The following AMPH variants were observed in gnomAD, a reference collection of about 807,000 sequenced individuals.
AMPH encodes amphiphysin.
Under a neutral mutation model 99.1 loss-of-function variants are expected in AMPH, and 49 were observed. That is an observed-to-expected ratio of 0.49 (90% CI 0.39 to 0.63). AMPH has a LOEUF of 0.63. AMPH is among the 20% of genes least tolerant of loss of function. The pLI, the probability that AMPH is intolerant of heterozygous loss-of-function variation, is 0.00. For synonymous variants in AMPH, 314 were observed against 317.3 expected (o/e 0.99, Z 0.11); for missense variants, 759 against 863.4 (o/e 0.88, Z 1.52).
At chr7:38,457,304 CAAA>C (rs552646835) in intron 11 of AMPH, among the ~76,000 whole-genome samples, 1 of 151,896 alleles carries the variant, frequency 6.6e-6, no homozygotes, top group Non-Finnish European at 1.5e-5. Flanking sequence ...TTTTGAAAAA[CAAA>C]GAAATCAGAA....
chr7:38,593,392 A>G (rs77897090), intron 1 of AMPH, among the ~76,000 whole-genome samples: 2,804 of 152,296 alleles, frequency 0.018, 75 homozygotes, highest in African/African-American at 0.057. Flanking sequence ...GCCCTACCAA[A>G]TGTACGTTTC....
intron 1 of AMPH, among the ~76,000 whole-genome samples, chr7:38,609,507 TTCCACAAAGGCA>T (rs1793551850): frequency 6.6e-6 from 1 of 152,140 alleles, no homozygotes; most frequent in Non-Finnish European, 1.5e-5. Flanking sequence ...ATCCCAGGAA[TTCCACAAAGGCA>T]GTCAGTGAAG....
At chr7:38,562,546 T>C (rs762779965) in intron 1 of AMPH, among the ~76,000 whole-genome samples, 4 of 152,018 alleles carry the variant, frequency 2.6e-5, no homozygotes, top group South Asian at 2.1e-4. Context: ...GAGGCAAAAG[T>C]TGAGGAATCC....
rs1791937893 is a variant in AMPH, at chr7:38,570,978, TATATTCAATATATATATATTC to T, written c.70-35988_70-35968del. On this transcript the variant is annotated intron_variant, in intron 1 of 20. Transcript: ENST00000356264. ...ATAGAATATATATATAGAATATATA[TATATTCAATATATATATATTC>T]ATATATATAGAATATATATATTCAT... Among the ~76,000 whole-genome samples, 5 of 46,628 alleles carry T rather than the reference TATATTCAATATATATATATTC, an allele frequency of 1.1e-4. 1 individual carries two copies. Among genetic ancestry groups the T allele is most frequent in the African/African-American group, 4.5e-4 (4 of 8,794 alleles). The allele number at this position is 46,628 out of a possible 152,430, so 30.6% of individuals were successfully genotyped here.
rs1473994944 is a variant in AMPH at position 38,421,110 on chromosome 7, C to G, written c.1272+1311G>C. The G allele has an allele frequency of 3.1e-5, 14 of 455,912 alleles. No individual in the cohort carries two copies. The East Asian group carries it at 9.7e-4, about 32-fold the overall frequency. The allele number at this position is 455,912 out of a possible 1,614,324, so 28.2% of individuals were successfully genotyped here. ...ATGGAAAGAAGGGGCAAGATGTCTG[C>G]TTCAGAGAATACATACAAACAGAAG... is the stretch of plus-strand genomic sequence containing the variant. On this transcript the variant is annotated intron_variant, in intron 16 of 20. Coordinates refer to ENST00000356264, the MANE Select transcript of AMPH (RefSeq NM_001635.4).
At chr7:38,436,640 G>T (rs1786278329) in intron 11 of AMPH, among the ~76,000 whole-genome samples, 1 of 152,168 alleles carries the variant, frequency 6.6e-6, no homozygotes, top group African/African-American at 2.4e-5. Context: ...CTTGTCCTTT[G>T]TCTAGCTCCA....
At chr7:38,530,542 T>C (rs1790358775) in intron 2 of AMPH, among the ~76,000 whole-genome samples, 1 of 152,218 alleles carries the variant, frequency 6.6e-6, no homozygotes, top group African/African-American at 2.4e-5. Context: ...TGCTCCCACC[T>C]GCACTCACTA....
chr7:38,477,824 G>T (rs2129015165), intron 5 of AMPH, among the ~76,000 whole-genome samples: 1 of 152,110 alleles, frequency 6.6e-6, no homozygotes, highest in Admixed American at 6.5e-5. Flanking sequence ...AAACCAATGT[G>T]GCTCTGGTAG....
chr7:38,530,789 C>T (rs990098902), intron 2 of AMPH, among the ~76,000 whole-genome samples: 2 of 152,160 alleles, frequency 1.3e-5, no homozygotes, highest in African/African-American at 2.4e-5. Context: ...GTCAATTTTG[C>T]TACTTGTTAA....
At position 38,598,183 on chromosome 7, in the gene AMPH, A is replaced by G. The variant is rs1793123496; in HGVS notation, c.69+33100T>C. ...TTTAATATCCAACAAGATAAGGTCA[A>G]CTTCCTTTTAGTGAAAGCAAGTTGT... On this transcript the variant is annotated intron_variant, in intron 1 of 20. Transcript: ENST00000356264. Among the ~76,000 whole-genome samples, 3 of 152,184 alleles carry G rather than the reference A, an allele frequency of 2.0e-5. No homozygotes were observed. The South Asian group carries it at 6.2e-4, about 32-fold the overall frequency.
At chr7:38,502,048 T>G (rs963546817) in intron 3 of AMPH, among the ~76,000 whole-genome samples, 1 of 152,206 alleles carries the variant, frequency 6.6e-6, no homozygotes, top group Non-Finnish European at 1.5e-5. Flanking sequence ...AATTTTCCCT[T>G]AGAGTTTTCT....
rs78875533 is a variant in AMPH at position 38,565,830 on chromosome 7, C to A, written c.70-30819G>T. ...ATCCCTCTCTTTCAACCAGTCATCACCCATTCTTATCTTTTCCCCTAGTTT... is the reference window on the plus strand; with the variant it reads ...ATCCCTCTCTTTCAACCAGTCATCAACCATTCTTATCTTTTCCCCTAGTTT... On this transcript the variant is annotated intron_variant, in intron 1 of 20. Transcript: ENST00000356264. Among the ~76,000 whole-genome samples the A allele has an allele frequency of 4.6e-3, 704 of 152,256 alleles. 6 individuals are homozygous for A. Among genetic ancestry groups the A allele is most frequent in the African/African-American group, 0.016 (660 of 41,546 alleles).
intron 6 of AMPH, among the ~76,000 whole-genome samples, chr7:38,476,260 G>A (rs1434143555): frequency 6.6e-6 from 1 of 152,086 alleles, no homozygotes; most frequent in Non-Finnish European, 1.5e-5. Context: ...TTTTTGTAGA[G>A]GCAATAGAAA....
At chr7:38,484,462 T>C (rs11561859) in intron 5 of AMPH, among the ~76,000 whole-genome samples, 17,796 of 152,082 alleles carry the variant, frequency 0.12, 1,349 homozygotes, top group East Asian at 0.3. Context: ...TTTAAAGTGA[T>C]GAAAGAACGA....
At chr7:38,552,828 G>A (rs1791226457) in intron 1 of AMPH, among the ~76,000 whole-genome samples, 3 of 152,074 alleles carry the variant, frequency 2.0e-5, no homozygotes, top group African/African-American at 7.2e-5. Flanking sequence ...TTTCTCTATC[G>A]CTCTTTCATG....
At chr7:38,544,150 CA>C (rs1391749323) in intron 1 of AMPH, among the ~76,000 whole-genome samples, 1 of 152,158 alleles carries the variant, frequency 6.6e-6, no homozygotes, top group Non-Finnish European at 1.5e-5. Context: ...GTCAGGAACT[CA>C]AATGTAATAA....
At chr7:38,536,257 A>G (rs769837066) in intron 1 of AMPH, among the ~76,000 whole-genome samples, 2 of 152,220 alleles carry the variant, frequency 1.3e-5, no homozygotes, top group Non-Finnish European at 2.9e-5. Flanking sequence ...GGCAGAAGGA[A>G]GATAACTAAT....
At chr7:38,406,552 G>C (rs1457365328) in intron 17 of AMPH, among the ~76,000 whole-genome samples, 4 of 152,252 alleles carry the variant, frequency 2.6e-5, no homozygotes, top group Admixed American at 2.6e-4. Flanking sequence ...AGGTGTGTCT[G>C]TGAGGTTGGT....
At chr7:38,602,669 C>A (rs1299856536) in intron 1 of AMPH, among the ~76,000 whole-genome samples, 3 of 152,192 alleles carry the variant, frequency 2.0e-5, no homozygotes, top group African/African-American at 7.2e-5. Flanking sequence ...TCTACAAAGT[C>A]TCTTTTGTCA....
Sources: allele counts gnomAD v4.1 joint callset (sites outside exome capture counted in the v4.1 genomes callset), GRCh38; gene constraint gnomAD v4.1.1; transcripts MANE v1.5; gene names NCBI Gene and HGNC (gene_info 2026-07-23, HGNC 2026-07-21).